NRCAM: variants seen among roughly 807,000 people sequenced by gnomAD.
The protein encoded by NRCAM is NgCAM-related cell adhesion molecule.
A neutral mutation model predicts 156.5 loss-of-function variants in NRCAM; 83 were observed. The observed-to-expected ratio is 0.53, with a 90% CI of 0.44 to 0.64. The LOEUF (loss-of-function observed/expected upper bound fraction) is 0.64, where lower values mean the gene tolerates loss of function less well. Among genes scored for constraint, NRCAM ranks in the 30% least tolerant of loss-of-function variants. The probability of loss-of-function intolerance (pLI) is 0.00; values close to 1 mark genes in which losing one functional copy is unlikely to be tolerated. For synonymous variants in NRCAM, 538 were observed against 563.9 expected, an observed-to-expected ratio of 0.95 and a Z score of 0.65; for missense variants, 1,417 against 1,597.3, an observed-to-expected ratio of 0.89 and a Z score of 1.92.
At chr7:108,299,626 C>T (rs954608165) in intron 3 of NRCAM, among the ~76,000 whole-genome samples, 1 of 152,198 alleles carries the variant, frequency 6.6e-6, no homozygotes, top group South Asian at 2.1e-4. Context: ...GCCACATGTG[C>T]AGTGCAACAA....
chr7:108,428,642 T>C (rs1458080767), intron 1 of NRCAM, among the ~76,000 whole-genome samples: 1 of 152,184 alleles, frequency 6.6e-6, no homozygotes. Flanking sequence ...AAATCTGTAA[T>C]ACACAAAAAA....
At chr7:108,414,317 G>A (rs1438250713) in intron 1 of NRCAM, among the ~76,000 whole-genome samples, 2 of 152,130 alleles carry the variant, frequency 1.3e-5, no homozygotes, top group African/African-American at 4.8e-5. Context: ...TGGACAGCTT[G>A]GCAAAGCACT....
At chr7:108,261,781 C>T (rs575837722) in intron 3 of NRCAM, among the ~76,000 whole-genome samples, 1 of 152,090 alleles carries the variant, frequency 6.6e-6, no homozygotes, top group South Asian at 2.1e-4. Flanking sequence ...TTGCTTCCTG[C>T]CCTAGCCATC....
intron 3 of NRCAM, among the ~76,000 whole-genome samples, chr7:108,276,499 G>A (rs886437883): frequency 3.3e-5 from 5 of 151,406 alleles, no homozygotes; most frequent in Non-Finnish European, 5.9e-5. Context: ...GGCCTTCTTT[G>A]TCTCTTTTGA....
In NRCAM at chr7:108,181,865, G is replaced by A. The variant is rs760249306; in HGVS notation, c.2603C>T (p.Pro868Leu). 3.7e-6 allele frequency: 6 copies of A among 1,614,092 alleles called. No homozygotes were observed. The highest frequency in any genetic ancestry group is 1.7e-5 in the Admixed American group (1 of 60,022). ...NSTLAEVHWD[P>L]VPLKSIRGHL... Reference sequence around the variant, plus strand: ...TCCTCGGATGCTTTTCAGAGGTACTGGGTCCCAGTGCACCTCGGCTAAGGT... The same window carrying A: ...TCCTCGGATGCTTTTCAGAGGTACTAGGTCCCAGTGCACCTCGGCTAAGGT... Residue 868 changes from proline to leucine, a missense_variant, in exon 24 of 33, where the codon CCA becomes CTA. By Grantham distance (98) the Pro-to-Leu change is moderately conservative. Coordinates refer to ENST00000379028, the MANE Select transcript of NRCAM (RefSeq NM_001037132.4).
Position 108,189,778 on chromosome 7 carries a change from C to T in NRCAM, c.1934-32G>A, listed in dbSNP as rs138484678. The stretch of plus-strand genomic sequence containing the variant: ...ACCAAACATACACACATCATGGTCA[C>T]GCATCCATCTTTAAGAGGCTCTCCT... On this transcript the variant is annotated intron_variant, in intron 19 of 32. Transcript: ENST00000379028. 626 of 808,784 alleles carry T rather than the reference C, an allele frequency of 7.7e-4. 4 individuals carry two copies. In the African/African-American group the frequency reaches 9.1e-3, roughly 12 times the overall value. 50.1% of individuals were successfully genotyped at this position (808,784 alleles called of 1,614,324 possible). A position where few individuals can be genotyped will look rare whatever the true frequency, so the allele number is the denominator to read the frequency against.
chr7:108,283,341 T>C (rs1057109511), intron 3 of NRCAM, among the ~76,000 whole-genome samples: 10 of 152,330 alleles, frequency 6.6e-5, no homozygotes, highest in Middle Eastern at 6.8e-3. Context: ...TGAGTGATCA[T>C]AATATTTGGT....
chr7:108,279,855 C>T (rs1277130974), intron 3 of NRCAM, among the ~76,000 whole-genome samples: 2 of 152,044 alleles, frequency 1.3e-5, no homozygotes, highest in Non-Finnish European at 2.9e-5. Context: ...CCACCATGCC[C>T]AGCCTGCAAC....
chr7:108,276,873 TG>T (rs2097651671), intron 3 of NRCAM, among the ~76,000 whole-genome samples: 1 of 152,186 alleles, frequency 6.6e-6, no homozygotes, highest in African/African-American at 2.4e-5. Context: ...GTGGCGGTAC[TG>T]GTTGTTCATT....
Position 108,207,659 on chromosome 7 carries a change from G to C in NRCAM, c.1076C>G (p.Ala359Gly). 2 of 1,593,574 alleles carry C rather than the reference G, an allele frequency of 1.3e-6. No homozygotes were observed. The highest frequency in any genetic ancestry group is 1.7e-6 in the Non-Finnish European group (2 of 1,173,058). The part of the protein sequence containing the change: ...IHHTISVRVK[A>G]APYWITAPQN... ...AGGGGCTGTGATCCAGTATGGAGCCGCTTTATAGGAGGAAGAAAAAAGACC... is the reference window on the plus strand; with the variant it reads ...AGGGGCTGTGATCCAGTATGGAGCCCCTTTATAGGAGGAAGAAAAAAGACC... Residue 359 changes from alanine to glycine, a missense_variant and splice_region_variant, in exon 13 of 33, where the codon GCG (alanine) becomes GGG (glycine). By Grantham distance (60) the Ala-to-Gly change is moderately conservative (BLOSUM62 0). Around this residue, in one of 2 missense-constraint regions of NRCAM, gnomAD observed 1,238 missense variants for 1,336.4 expected, o/e 0.93. Coordinates refer to ENST00000379028, the MANE Select transcript of NRCAM (RefSeq NM_001037132.4).
At chr7:108,312,519 C>A (rs1415528369) in intron 3 of NRCAM, 146 bp downstream of exon 3, 2 of 152,096 alleles carry the variant, frequency 1.3e-5, no homozygotes, top group Admixed American at 6.6e-5. Context: ...GTTTTTGCAT[C>A]TATGTTTCTA....
intron 1 of NRCAM, among the ~76,000 whole-genome samples, chr7:108,429,829 A>G (rs1401244678): frequency 6.6e-6 from 1 of 152,244 alleles, no homozygotes; most frequent in East Asian, 1.9e-4. Flanking sequence ...TAAGTAGAAT[A>G]GAAAATGAAA....
At chr7:108,291,559 G>T (rs1404608070) in intron 3 of NRCAM, among the ~76,000 whole-genome samples, 1 of 152,158 alleles carries the variant, frequency 6.6e-6, no homozygotes, top group Non-Finnish European at 1.5e-5. Context: ...TCACTGACTG[G>T]TTTTTAAGTA....
At chr7:108,356,768 T>C (rs1464922150) in intron 2 of NRCAM, among the ~76,000 whole-genome samples, 3 of 152,182 alleles carry the variant, frequency 2.0e-5, no homozygotes, top group Non-Finnish European at 4.4e-5. Context: ...TAGCACAGCC[T>C]GGAGCTCCTA....
In NRCAM at chr7:108,234,699, G is replaced by T; in HGVS notation, c.125-11C>A. 3.4e-6 allele frequency: 4 copies of T among 1,167,908 alleles called. No homozygotes were observed. Among genetic ancestry groups the T allele is most frequent in the Non-Finnish European group, 4.8e-6 (4 of 839,166 alleles). 72.3% of individuals were successfully genotyped at this position (1,167,908 alleles called of 1,614,324 possible). Reference sequence around the variant, plus strand: ...TTGGAGGCTGTACCACTTAATTGTAGAAAAAAAAAAATGTAAAAAAACAAA... The same window carrying T: ...TTGGAGGCTGTACCACTTAATTGTATAAAAAAAAAAATGTAAAAAAACAAA... On this transcript the variant is annotated splice_polypyrimidine_tract_variant and intron_variant, in intron 5 of 32. Coordinates refer to ENST00000379028, the MANE Select transcript of NRCAM (RefSeq NM_001037132.4).
At chr7:108,449,183 C>T (rs995907166) in intron 1 of NRCAM, among the ~76,000 whole-genome samples, 6 of 152,230 alleles carry the variant, frequency 3.9e-5, no homozygotes, top group African/African-American at 9.6e-5. Flanking sequence ...GGGCACTCAA[C>T]ATTTCGGGTG....
intron 2 of NRCAM, among the ~76,000 whole-genome samples, chr7:108,366,903 G>C (rs950728657): frequency 1.8e-4 from 28 of 152,154 alleles, no homozygotes; most frequent in African/African-American, 6.8e-4. Flanking sequence ...AAAAGCTAAA[G>C]ATTTTCCCAT....
chr7:108,296,011 G>A (rs959047150), intron 3 of NRCAM, among the ~76,000 whole-genome samples: 9 of 152,206 alleles, frequency 5.9e-5, no homozygotes, highest in Non-Finnish European at 1.2e-4. Context: ...TGAGCTAGCG[G>A]AGAGTTCCCA....
intron 3 of NRCAM, among the ~76,000 whole-genome samples, chr7:108,300,717 T>A (rs1400803019): frequency 6.6e-6 from 1 of 152,190 alleles, no homozygotes; most frequent in Non-Finnish European, 1.5e-5. Flanking sequence ...TTTTCTAATT[T>A]ATTGTGACAT....
Sources: allele counts gnomAD v4.1 joint callset (sites outside exome capture counted in the v4.1 genomes callset), GRCh38; gene constraint gnomAD v4.1.1; regional missense constraint gnomAD v4.1.1; transcripts MANE v1.5; gene names NCBI Gene and HGNC (gene_info 2026-07-23, HGNC 2026-07-21).